Variants in LRP11 observed in about 807,000 individuals in gnomAD.
LRP11 encodes LDL receptor related protein 11.
A neutral mutation model predicts 43.1 loss-of-function variants in LRP11; 25 were observed. That is an observed-to-expected ratio of 0.58 (90% CI 0.42 to 0.81). The LOEUF (loss-of-function observed/expected upper bound fraction) is 0.81. LRP11 is among the 30% of genes least tolerant of loss of function. The probability of loss-of-function intolerance (pLI) is 0.00; values close to 1 mark genes in which losing one functional copy is unlikely to be tolerated. For missense variants in LRP11, 623 were observed against 665.1 expected, an observed-to-expected ratio of 0.94 and a Z score of 0.70; for synonymous variants, 316 against 299.4, an observed-to-expected ratio of 1.06 and a Z score of -0.57.
intron 2 of LRP11, among the ~76,000 whole-genome samples, chr6:149,845,186 G>C (rs1408455535): frequency 6.6e-6 from 1 of 152,202 alleles, no homozygotes; most frequent in Non-Finnish European, 1.5e-5. Context: ...GCACCTACCT[G>C]ATGAGGATCA....
chr6:149,831,357 T>C (rs6903998), intron 5 of LRP11, among the ~76,000 whole-genome samples: 75,797 of 152,118 alleles, frequency 0.5, 20,837 homozygotes, highest in East Asian at 0.83. Flanking sequence ...TCTAGCCCTT[T>C]GTAGGGCTGG....
intron 6 of LRP11, among the ~76,000 whole-genome samples, chr6:149,824,971 C>T (rs1776321086): frequency 6.6e-6 from 1 of 152,168 alleles, no homozygotes; most frequent in African/African-American, 2.4e-5. Flanking sequence ...GGCTGGTTTC[C>T]CTCTTCCCTT....
intron 2 of LRP11, among the ~76,000 whole-genome samples, chr6:149,847,685 G>A: frequency 6.6e-6 from 1 of 152,194 alleles, no homozygotes; most frequent in East Asian, 1.9e-4. Flanking sequence ...CTGTTCAGCA[G>A]TAACAGCCTT....
At chr6:149,854,728 C>T (rs916503734) in intron 1 of LRP11, among the ~76,000 whole-genome samples, 2 of 152,222 alleles carry the variant, frequency 1.3e-5, no homozygotes, top group African/African-American at 4.8e-5. Flanking sequence ...GGGCTTGCCC[C>T]TCTTTGGCTC....
At position 149,863,853 on chromosome 6, in the gene LRP11, C is replaced by T. The variant is rs777953183; in HGVS notation, c.168G>A (p.Glu56=). 135 of 1,512,802 alleles carry T rather than the reference C, an allele frequency of 8.9e-5. No individual in the cohort carries two copies. Among genetic ancestry groups the T allele is most frequent in the Non-Finnish European group, 1.1e-4 (131 of 1,139,938 alleles). 93.7% of individuals were successfully genotyped at this position (1,512,802 alleles called of 1,614,324 possible). ...SELHAQLSGV[E]QLLEEFRRQL... ...GCCGGCGGAACTCCTCCAGCAGCTG[C>T]TCCACGCCCGACAGCTGCGCGTGCA... The change falls in exon 1 of 7, where the codon GAG becomes GAA. Residue 56 remains glutamate, a synonymous_variant. Coordinates refer to ENST00000239367, the MANE Select transcript of LRP11 (RefSeq NM_032832.6).
chr6:149,835,881 G>T lies in LRP11; in HGVS notation c.1252+204C>A, dbSNP rs544509878. Among the ~76,000 whole-genome samples, 42 of 152,266 alleles carry T rather than the reference G, an allele frequency of 2.8e-4. 2 individuals carry two copies. In the South Asian group the frequency reaches 8.7e-3, roughly 32 times the overall value. On this transcript the variant is annotated intron_variant, in intron 5 of 6. Coordinates refer to ENST00000239367, the MANE Select transcript of LRP11 (RefSeq NM_032832.6). ...AAATGTATTAGTGTCTCTGGAGTAGGTACATGAGTGTATTTAGTAAGTGTC... is the reference window on the plus strand; with the variant it reads ...AAATGTATTAGTGTCTCTGGAGTAGTTACATGAGTGTATTTAGTAAGTGTC...
rs185758433 is a variant in LRP11 at position 149,822,105 on chromosome 6, T to C, written c.1349-1402A>G. Among the ~76,000 whole-genome samples the C allele has an allele frequency of 1.8e-4, 28 of 152,158 alleles. No individual in the cohort carries two copies. The East Asian group carries it at 5.4e-3, about 29-fold the overall frequency. ...GCTCAGGCCTGTGATACCAGCACTT[T>C]GGAAGGCAGAGGTGGGCAAATTGCT... On this transcript the variant is annotated intron_variant, in intron 6 of 6. Transcript: ENST00000239367.
chr6:149,840,113 T>C (rs941765201), intron 3 of LRP11, among the ~76,000 whole-genome samples: 3 of 152,140 alleles, frequency 2.0e-5, no homozygotes, highest in African/African-American at 7.2e-5. Flanking sequence ...TATGATCATA[T>C]AAGCAGGGTA....
intron 3 of LRP11, chr6:149,842,775 T>C (rs2275045): frequency 0.39 from 507,688 of 1,309,528 alleles, 104,927 homozygotes; most frequent in East Asian, 0.77. Context: ...CTGGAGTGCT[T>C]CCTCCACCCC....
intron 5 of LRP11, among the ~76,000 whole-genome samples, chr6:149,834,130 T>C (rs1170654364): frequency 6.6e-6 from 1 of 152,180 alleles, no homozygotes; most frequent in East Asian, 1.9e-4. Flanking sequence ...ATGCAGTATT[T>C]GGTTTTCTGT....
chr6:149,846,243 G>A (rs375523874), intron 2 of LRP11, among the ~76,000 whole-genome samples: 3 of 152,318 alleles, frequency 2.0e-5, no homozygotes, highest in African/African-American at 7.2e-5. Flanking sequence ...ACAGGCTCTG[G>A]CTCTCTTTAA....
intron 5 of LRP11, among the ~76,000 whole-genome samples, chr6:149,833,386 C>T (rs1776434013): frequency 6.6e-6 from 1 of 152,184 alleles, no homozygotes; most frequent in Non-Finnish European, 1.5e-5. Flanking sequence ...AGGGCTCTTT[C>T]TAACATTTTC....
In LRP11 at chr6:149,853,611, G is replaced by A. The variant is rs372068093; in HGVS notation, c.614-451C>T. ...CAGCCTCTCCCTCCCGGGTTCAAGCGGTTCTTCTGCCTCAACCGCCCGAGT... is the reference window on the plus strand; with the variant it reads ...CAGCCTCTCCCTCCCGGGTTCAAGCAGTTCTTCTGCCTCAACCGCCCGAGT... On this transcript the variant is annotated intron_variant, in intron 1 of 6. Transcript: ENST00000239367. 1.6e-4 allele frequency among the ~76,000 whole-genome samples: 24 copies of A among 152,300 alleles called. No individual in the cohort carries two copies. In the South Asian group the frequency reaches 3.5e-3, roughly 22 times the overall value.
At position 149,864,221 on chromosome 6, in the gene LRP11, AG is replaced by A. The variant is rs1440120566; in HGVS notation, c.-202del. On this transcript the variant is annotated 5_prime_UTR_variant, in exon 1 of 7. Transcript: ENST00000239367. Reference sequence around the variant, plus strand: ...CGGGAACCGCAGTAGCGGGAGACATAGCCGGCCCAGCCGGGCACCGCTCCTT... The same window carrying A: ...CGGGAACCGCAGTAGCGGGAGACATACCGGCCCAGCCGGGCACCGCTCCTT... 1 of 1,102,184 alleles carries A rather than the reference AG, an allele frequency of 9.1e-7. No individual in the cohort carries two copies. Among genetic ancestry groups the A allele is most frequent in the Non-Finnish European group, 1.1e-6 (1 of 906,730 alleles). The allele number at this position is 1,102,184 out of a possible 1,614,324, so 68.3% of individuals were successfully genotyped here. A position where few individuals can be genotyped will look rare whatever the true frequency, so the allele number is the denominator to read the frequency against.
At chr6:149,842,213 C>T (rs902697147) in intron 3 of LRP11, among the ~76,000 whole-genome samples, 18 of 152,004 alleles carry the variant, frequency 1.2e-4, no homozygotes, top group African/African-American at 4.3e-4. Flanking sequence ...ACCCAAGAGC[C>T]AAGTCTTTCT....
At chr6:149,839,051 GT>G (rs1354326315) in intron 3 of LRP11, among the ~76,000 whole-genome samples, 1 of 145,374 alleles carries the variant, frequency 6.9e-6, no homozygotes, top group African/African-American at 2.7e-5. Flanking sequence ...CATACACTTG[GT>G]TTTTTTTTGT....
At chr6:149,836,431 A>G in intron 4 of LRP11, 134 bp from the exon 5 acceptor site, 1 of 707,948 alleles carries the variant, frequency 1.4e-6, no homozygotes, top group Non-Finnish European at 2.4e-6. Context: ...GACATGTCAG[A>G]GGACCATAAA....
At chr6:149,835,748 G>A (rs1776462555) in intron 5 of LRP11, among the ~76,000 whole-genome samples, 1 of 152,082 alleles carries the variant, frequency 6.6e-6, no homozygotes, top group Non-Finnish European at 1.5e-5. Flanking sequence ...TGGGTGAAGA[G>A]GATTTACACA....
chr6:149,843,421 C>T (rs116322818), intron 2 of LRP11, among the ~76,000 whole-genome samples: 2,256 of 152,238 alleles, frequency 0.015, 55 homozygotes, highest in African/African-American at 0.052. Flanking sequence ...CAGGCCCTGC[C>T]GTCTCAGCAG....
Sources: allele counts gnomAD v4.1 joint callset (sites outside exome capture counted in the v4.1 genomes callset), GRCh38; gene constraint gnomAD v4.1.1; transcripts MANE v1.5; gene names NCBI Gene and HGNC (gene_info 2026-07-23, HGNC 2026-07-21).